Variants in CDH13 observed in about 807,000 individuals in gnomAD.
The protein encoded by CDH13 is cadherin 13, also known as cadherin-13.
Under a neutral mutation model 63.8 loss-of-function variants are expected in CDH13, and 24 were observed. That is an observed-to-expected ratio of 0.38 (90% CI 0.27 to 0.53). CDH13 has a LOEUF of 0.53. CDH13 is among the 20% of genes least tolerant of loss of function. The pLI is 0.85. For synonymous variants in CDH13, 503 were observed against 355.3 expected (o/e 1.42, Z -4.67); for missense variants, 1,049 against 903.1 (o/e 1.16, Z -2.07).
chr16:83,068,365 T>C (rs1387507764), intron 3 of CDH13, among the ~76,000 whole-genome samples: 1 of 152,204 alleles, frequency 6.6e-6, no homozygotes, highest in Non-Finnish European at 1.5e-5. Flanking sequence ...TCATTGCTGC[T>C]TGGCTATTAA....
At position 83,316,226 on chromosome 16, in the gene CDH13, A is replaced by C. The variant is rs2090102155; in HGVS notation, c.637-28636A>C. 2.6e-5 allele frequency among the ~76,000 whole-genome samples: 4 copies of C among 152,144 alleles called. No homozygotes were observed. In the South Asian group the frequency reaches 8.3e-4, roughly 32 times the overall value. ...TCACCTCCCACGAGGTCCCTCCCCA[A>C]ACACGTGGGGATTACAATTCGGATT... On this transcript the variant is annotated intron_variant, in intron 5 of 13. Coordinates refer to ENST00000567109, the MANE Select transcript of CDH13 (RefSeq NM_001257.5).
At chr16:82,933,968 T>G (rs189805772) in intron 2 of CDH13, among the ~76,000 whole-genome samples, 34 of 152,330 alleles carry the variant, frequency 2.2e-4, no homozygotes, top group Non-Finnish European at 4.3e-4. Flanking sequence ...TGGCAGCGTC[T>G]ATGACTTTTC....
intron 4 of CDH13, among the ~76,000 whole-genome samples, chr16:83,197,923 A>T (rs1053538035): frequency 6.6e-6 from 1 of 152,194 alleles, no homozygotes; most frequent in Non-Finnish European, 1.5e-5. Flanking sequence ...ATTGTACCAC[A>T]GTTTAACATT....
chr16:82,794,891 A>G (rs773703434), intron 1 of CDH13, among the ~76,000 whole-genome samples: 8 of 152,176 alleles, frequency 5.3e-5, no homozygotes, highest in Non-Finnish European at 8.8e-5. Context: ...CACTGGCACA[A>G]AAGCAACTTG....
At chr16:83,487,179 G>A (rs571350072) in intron 7 of CDH13, among the ~76,000 whole-genome samples, 27 of 152,084 alleles carry the variant, frequency 1.8e-4, no homozygotes, top group Non-Finnish European at 3.1e-4. Flanking sequence ...AATCTCCCCC[G>A]TCTCCTGGGT....
chr16:82,984,834 A>G (rs16959008), intron 2 of CDH13, among the ~76,000 whole-genome samples: 17,319 of 152,218 alleles, frequency 0.11, 1,136 homozygotes, highest in African/African-American at 0.19. Context: ...CTTAACCCAG[A>G]GCTTGGAACA....
At chr16:82,856,449 C>G (rs1390720599) in intron 1 of CDH13, among the ~76,000 whole-genome samples, 2 of 149,884 alleles carry the variant, frequency 1.3e-5, no homozygotes, top group Non-Finnish European at 3.0e-5. Context: ...CGCCTGTAGT[C>G]TTGGCACTTT....
intron 8 of CDH13, among the ~76,000 whole-genome samples, chr16:83,604,225 A>C (rs1386619891): frequency 6.6e-6 from 1 of 151,876 alleles, no homozygotes; most frequent in Non-Finnish European, 1.5e-5. Context: ...CAGGATTCCA[A>C]CCTCAAAACA....
intron 6 of CDH13, among the ~76,000 whole-genome samples, chr16:83,447,502 G>A (rs564524021): frequency 6.8e-4 from 104 of 152,066 alleles, no homozygotes; most frequent in Non-Finnish European, 1.2e-3. Context: ...GTTAGACAAG[G>A]GATGTTGCCC....
rs562628465 is a variant in CDH13 at position 83,436,949 on chromosome 16, T to C, written c.782-49528T>C. On this transcript the variant is annotated intron_variant, in intron 6 of 13. Transcript: ENST00000567109. ...TCCATCAGAAATCACCACCATTTTT[T>C]TTTAATGTAGGAGACTGGGATGGTG... 4.9e-4 allele frequency among the ~76,000 whole-genome samples: 75 copies of C among 152,354 alleles called. 1 individual carries two copies. In the Middle Eastern group the frequency reaches 0.01, roughly 21 times the overall value.
chr16:83,273,159 T>TA (rs1487217142), intron 5 of CDH13, among the ~76,000 whole-genome samples: 2 of 151,736 alleles, frequency 1.3e-5, no homozygotes, highest in African/African-American at 2.4e-5. Context: ...AAAATGGCTC[T>TA]AAAATAATAT....
chr16:82,712,462 TA>T (rs1567455506), intron 1 of CDH13, among the ~76,000 whole-genome samples: 1 of 152,142 alleles, frequency 6.6e-6, no homozygotes, highest in Non-Finnish European at 1.5e-5. Flanking sequence ...TTCTCCATGG[TA>T]ATAAATCGTG....
chr16:82,789,534 A>T (rs2036184862), intron 1 of CDH13, among the ~76,000 whole-genome samples: 1 of 152,182 alleles, frequency 6.6e-6, no homozygotes, highest in Non-Finnish European at 1.5e-5. Flanking sequence ...TTTTATAATG[A>T]GGGAGCTGAG....
At chr16:83,291,308 T>A (rs746372553) in intron 5 of CDH13, among the ~76,000 whole-genome samples, 10 of 152,134 alleles carry the variant, frequency 6.6e-5, no homozygotes, top group Non-Finnish European at 8.8e-5. Context: ...GGGTTCTACT[T>A]CTTCATCTTC....
At chr16:82,900,693 A>G (rs986627400) in intron 2 of CDH13, among the ~76,000 whole-genome samples, 6 of 152,204 alleles carry the variant, frequency 3.9e-5, no homozygotes, top group African/African-American at 1.4e-4. Context: ...GAGGGATGAA[A>G]TCAAGAGTAT....
Position 83,797,045 on chromosome 16 carries a change from C to T in CDH13, c.*2015C>T, listed in dbSNP as rs149564300. On this transcript the variant is annotated 3_prime_UTR_variant, in exon 14 of 14. Transcript: ENST00000567109. ...AGGGGAATCTAAGCCTGTGCATTCA[C>T]ACTCCACAAGATTTCCTCTACTGGC... 6.6e-6 allele frequency: 1 copy of T among 152,242 alleles called. No individual in the cohort carries two copies. The highest frequency in any genetic ancestry group is 1.5e-5 in the Non-Finnish European group (1 of 68,058). The allele number at this position is 152,242 out of a possible 1,614,324, so 9.4% of individuals were successfully genotyped here. A position where few individuals can be genotyped will look rare whatever the true frequency, so the allele number is the denominator to read the frequency against.
At chr16:83,496,239 A>C (rs2074140636) in intron 7 of CDH13, among the ~76,000 whole-genome samples, 1 of 150,072 alleles carries the variant, frequency 6.7e-6, no homozygotes, top group African/African-American at 2.4e-5. Context: ...TGGAGGCATC[A>C]CACTACCTGA....
intron 2 of CDH13, among the ~76,000 whole-genome samples, chr16:82,866,746 G>C (rs1393743724): frequency 1.3e-5 from 2 of 152,120 alleles, no homozygotes; most frequent in Admixed American, 6.5e-5. Context: ...GGAAGGCAGA[G>C]AGAAAGCAAG....
intron 5 of CDH13, among the ~76,000 whole-genome samples, chr16:83,243,130 T>C (rs1904633441): frequency 1.3e-5 from 2 of 152,198 alleles, no homozygotes; most frequent in Non-Finnish European, 2.9e-5. Context: ...TTAACCACCA[T>C]ACCGCCAAAG....
Sources: allele counts gnomAD v4.1 joint callset (sites outside exome capture counted in the v4.1 genomes callset), GRCh38; gene constraint gnomAD v4.1.1; transcripts MANE v1.5; gene names NCBI Gene and HGNC (gene_info 2026-07-23, HGNC 2026-07-21).